G2E3: variants seen among roughly 807,000 people sequenced by gnomAD.
The protein encoded by G2E3 is G2/M-phase specific E3 ubiquitin protein ligase.
In G2E3, 35 loss-of-function variants were observed where a neutral mutation model predicts 92.8. That is an observed-to-expected ratio of 0.38 (90% CI 0.29 to 0.50). G2E3 has a LOEUF of 0.50. Ranked by LOEUF, G2E3 falls within the 20% of genes least tolerant of loss-of-function variation. The pLI is 0.94. For missense variants in G2E3, 554 were observed against 823.8 expected, an observed-to-expected ratio of 0.67 and a Z score of 4.01; for synonymous variants, 242 against 272.4, an observed-to-expected ratio of 0.89 and a Z score of 1.10.
intron 13 of G2E3, among the ~76,000 whole-genome samples, chr14:30,612,992 A>G (rs1882162665): frequency 6.6e-6 from 1 of 152,214 alleles, no homozygotes; most frequent in Non-Finnish European, 1.5e-5. Context: ...GTCTCTGTGC[A>G]TTCATTTAAT....
At chr14:30,598,785 T>G (rs1476825645) in intron 8 of G2E3, among the ~76,000 whole-genome samples, 186 bp downstream of exon 8, 1 of 152,236 alleles carries the variant, frequency 6.6e-6, no homozygotes, top group East Asian at 1.9e-4. Flanking sequence ...TTAGTATAGT[T>G]GTAACCTATT....
At chr14:30,612,869 A>G (rs192664700) in intron 13 of G2E3, among the ~76,000 whole-genome samples, 1 of 152,306 alleles carries the variant, frequency 6.6e-6, no homozygotes, top group African/African-American at 2.4e-5. Context: ...AAAAATGAAA[A>G]AAGAATTGTG....
At chr14:30,592,257 G>T in intron 4 of G2E3, 66 bp from the exon 5 acceptor site, 1 of 1,371,208 alleles carries the variant, frequency 7.3e-7, no homozygotes, top group Non-Finnish European at 1.0e-6. Flanking sequence ...ATTTATTTAT[G>T]TCTTGATCAT....
At chr14:30,567,734 T>A (rs1280767556) in intron 1 of G2E3, among the ~76,000 whole-genome samples, 1 of 152,044 alleles carries the variant, frequency 6.6e-6, no homozygotes. Flanking sequence ...TGGGTCATTG[T>A]TTTGGGGGCT....
chr14:30,586,619 A>G, intron 2 of G2E3, 99 bp from the exon 3 acceptor site: 1 of 492,890 alleles, frequency 2.0e-6, no homozygotes, highest in Non-Finnish European at 3.6e-6. Flanking sequence ...TTGCTCTCAG[A>G]AAGAATTTAA....
intron 13 of G2E3, among the ~76,000 whole-genome samples, chr14:30,613,220 G>A (rs1397258676): frequency 6.6e-6 from 1 of 152,050 alleles, no homozygotes; most frequent in East Asian, 1.9e-4. Flanking sequence ...TTATTAACTT[G>A]TGCCTGTCTT....
intron 13 of G2E3, among the ~76,000 whole-genome samples, chr14:30,614,978 T>C (rs1594516575): frequency 1.3e-5 from 2 of 152,296 alleles, no homozygotes; most frequent in South Asian, 4.1e-4. Flanking sequence ...CTTGGTAATA[T>C]CTGGGAAACT....
chr14:30,603,278 G>A (rs989121630), intron 10 of G2E3, among the ~76,000 whole-genome samples: 3 of 150,206 alleles, frequency 2.0e-5, no homozygotes, highest in Admixed American at 6.6e-5. Context: ...GTCAGCCAAG[G>A]TCGCGCCACT....
chr14:30,569,481 C>T (rs1879631027), intron 1 of G2E3, among the ~76,000 whole-genome samples: 1 of 152,194 alleles, frequency 6.6e-6, no homozygotes, highest in African/African-American at 2.4e-5. Flanking sequence ...AGTTTAATTG[C>T]TCTGTCACAT....
intron 1 of G2E3, chr14:30,560,339 A>C (rs936479622): frequency 6.4e-6 from 1 of 155,382 alleles, no homozygotes; most frequent in East Asian, 1.9e-4. Context: ...TAACACCAGG[A>C]TATTGTACCA....
At chr14:30,575,527 A>C (rs1880028992) in intron 1 of G2E3, among the ~76,000 whole-genome samples, 1 of 152,234 alleles carries the variant, frequency 6.6e-6, no homozygotes, top group African/African-American at 2.4e-5. Flanking sequence ...CAGAGCAGTC[A>C]GGCAAGAGAA....
At chr14:30,573,345 A>G (rs1014269284) in intron 1 of G2E3, among the ~76,000 whole-genome samples, 15 of 152,034 alleles carry the variant, frequency 9.9e-5, no homozygotes, top group African/African-American at 2.7e-4. Context: ...TGTATTAACT[A>G]TCTATCCCGA....
intron 1 of G2E3, chr14:30,560,007 T>C (rs1453869455): frequency 6.6e-6 from 1 of 152,218 alleles, no homozygotes; most frequent in Non-Finnish European, 1.5e-5. Flanking sequence ...GCCCTGCCTT[T>C]TCGCCTCCCT....
rs756916088 is a variant in G2E3, at chr14:30,615,343, CTT to C, written c.1674-5_1674-4del. Reference sequence around the variant, plus strand: ...AATGTTGGCTCATTATTTTTCTTCTCTTAAGTTTTAAGCAGGGTCTGAAAACC... The same window carrying C: ...AATGTTGGCTCATTATTTTTCTTCTCAAGTTTTAAGCAGGGTCTGAAAACC... On this transcript the variant is annotated splice_region_variant and splice_polypyrimidine_tract_variant and intron_variant, in intron 13 of 14. Coordinates refer to ENST00000206595, the MANE Select transcript of G2E3 (RefSeq NM_017769.5). 1 of 1,533,898 alleles carries C rather than the reference CTT, an allele frequency of 6.5e-7. No individual in the cohort carries two copies. Among genetic ancestry groups the C allele is most frequent in the Non-Finnish European group, 8.9e-7 (1 of 1,126,812 alleles).
At chr14:30,564,286 T>C (rs576487012) in intron 1 of G2E3, among the ~76,000 whole-genome samples, 1 of 152,240 alleles carries the variant, frequency 6.6e-6, no homozygotes, top group African/African-American at 2.4e-5. Context: ...GGCTGCATCA[T>C]ATGATAGGTG....
At chr14:30,590,850 G>A (rs1056594622) in intron 4 of G2E3, 2 of 391,764 alleles carry the variant, frequency 5.1e-6, no homozygotes, top group Non-Finnish European at 1.0e-5. Context: ...CTTATGGTTT[G>A]GAACTACAGA....
At chr14:30,597,220 T>C (rs565405624) in intron 6 of G2E3, among the ~76,000 whole-genome samples, 200 bp from the exon 7 acceptor site, 60 of 152,292 alleles carry the variant, frequency 3.9e-4, no homozygotes, top group African/African-American at 1.4e-3. Context: ...TAATTAGCTT[T>C]TTTTTTAACC....
intron 1 of G2E3, among the ~76,000 whole-genome samples, chr14:30,562,004 A>T (rs989085102): frequency 6.6e-6 from 1 of 152,196 alleles, no homozygotes; most frequent in African/African-American, 2.4e-5. Context: ...GCAAAAAATC[A>T]GGAGCAATGT....
intron 1 of G2E3, among the ~76,000 whole-genome samples, chr14:30,571,176 C>CTTTT (rs11451039): frequency 7.3e-6 from 1 of 137,904 alleles, no homozygotes. Context: ...AGTGGGTTTG[C>CTTTT]TTTTTTTTTT....
Sources: allele counts gnomAD v4.1 joint callset (sites outside exome capture counted in the v4.1 genomes callset), GRCh38; gene constraint gnomAD v4.1.1; transcripts MANE v1.5; gene names NCBI Gene and HGNC (gene_info 2026-07-23, HGNC 2026-07-21).